KLF8: variants seen among roughly 807,000 people sequenced by gnomAD.
KLF8 encodes Krueppel-like factor 8.
KLF8 carries 10 observed loss-of-function variants against 18.2 expected under a neutral mutation model. That is an observed-to-expected ratio of 0.55 (90% CI 0.34 to 0.93). The LOEUF (loss-of-function observed/expected upper bound fraction) is 0.93, where lower values mean the gene tolerates loss of function less well. KLF8 is among the 40% of genes least tolerant of loss of function. The probability of loss-of-function intolerance (pLI) is 0.02; values close to 1 mark genes in which losing one functional copy is unlikely to be tolerated. For missense variants in KLF8, 264 were observed against 277.9 expected (o/e 0.95, Z 0.36); for synonymous variants, 109 against 97.3 (o/e 1.12, Z -0.71).
chrX:56,284,764 C>G lies in KLF8; in HGVS notation c.*270C>G, dbSNP rs761673816. ...CACCCATGGCTGCCTTCCCATCCCC[C>G]CCTGCTCTGAAATAGGACATTTTTC... On this transcript the variant is annotated 3_prime_UTR_variant, in exon 6 of 6. Transcript: ENST00000468660. 1 of 266,767 alleles carries G rather than the reference C, an allele frequency of 3.7e-6. No homozygotes were observed. The highest frequency in any genetic ancestry group is 5.5e-5 in the East Asian group (1 of 18,153). The allele number at this position is 266,767 out of a possible 1,213,427, so 22.0% of individuals were successfully genotyped here.
the KLF8 span, among the ~76,000 whole-genome samples, chrX:56,083,176 C>G: frequency 2.7e-5 from 3 of 111,629 alleles, no homozygotes; most frequent in Non-Finnish European, 5.6e-5. Context: ...TGATGGTGTC[C>G]CCTAAGTCCC....
At chrX:56,164,729 C>CTTTTTTTTTTTTTTTTTATTTTT in the KLF8 span, among the ~76,000 whole-genome samples, 1 of 51,918 alleles carries the variant, frequency 1.9e-5, no homozygotes, top group Non-Finnish European at 3.3e-5. Flanking sequence ...CTTGTTATCT[C>CTTTTTTTTTTTTTTTTTATTTTT]TTTTTTTTTT....
chrX:56,191,705 G>A, the KLF8 span, among the ~76,000 whole-genome samples: 1 of 111,305 alleles, frequency 9.0e-6, no homozygotes, highest in South Asian at 3.8e-4. Flanking sequence ...AAAATTATTC[G>A]TTCTTGTATT....
chrX:56,141,262 C>G, the KLF8 span, among the ~76,000 whole-genome samples: 1 of 112,054 alleles, frequency 8.9e-6, no homozygotes, highest in Non-Finnish European at 1.9e-5. Flanking sequence ...CCACCATACC[C>G]GGCCAGCATT....
the KLF8 span, among the ~76,000 whole-genome samples, chrX:56,104,075 G>A: frequency 1.8e-5 from 2 of 111,991 alleles, no homozygotes; most frequent in East Asian, 5.6e-4. Context: ...CTTGATCATA[G>A]TGGATAAGCT....
chrX:56,103,476 G>T, the KLF8 span, among the ~76,000 whole-genome samples: 1 of 111,291 alleles, frequency 9.0e-6, no homozygotes, highest in Non-Finnish European at 1.9e-5. Flanking sequence ...TGAAGCAATT[G>T]TGAATGGGAG....
In KLF8 at chrX:56,270,301, C is replaced by T. The variant is rs749213915; in HGVS notation, c.878C>T (p.Ala293Val). 8.3e-7 allele frequency: 1 copy of T among 1,199,780 alleles called. No individual in the cohort carries two copies. The highest frequency in any genetic ancestry group is 1.1e-6 in the Non-Finnish European group (1 of 891,218). The change falls in exon 5 of 6, where the codon GCT (alanine) becomes GTT (valine). Residue 293 changes from alanine to valine, a missense_variant. Coordinates refer to ENST00000468660, the MANE Select transcript of KLF8 (RefSeq NM_007250.5). ...KVYTKSSHLK[A>V]HRRIHTGEKP... The stretch of plus-strand genomic sequence containing the variant: ...TACACCAAAAGCTCTCACCTGAAAG[C>T]TCACCGCAGAATCCATACAGGTCTG...
chrX:55,981,844 A>G, the KLF8 span, among the ~76,000 whole-genome samples: 1 of 111,735 alleles, frequency 8.9e-6, no homozygotes, highest in African/African-American at 3.3e-5. Flanking sequence ...GCAGAACAAT[A>G]CTGTACCCTG....
At chrX:56,282,438 A>G (rs1487145815) in intron 5 of KLF8, among the ~76,000 whole-genome samples, 4 of 112,439 alleles carry the variant, frequency 3.6e-5, no homozygotes, top group Non-Finnish European at 7.5e-5. Context: ...ATGATCAGTA[A>G]TTGATGTCTT....
At chrX:56,168,549 G>A in the KLF8 span, among the ~76,000 whole-genome samples, 4 of 111,650 alleles carry the variant, frequency 3.6e-5, no homozygotes, top group African/African-American at 1.3e-4. Context: ...TGCACAACGT[G>A]CAGGTTTGTT....
the KLF8 span, among the ~76,000 whole-genome samples, chrX:56,125,770 G>T: frequency 8.9e-6 from 1 of 111,785 alleles, no homozygotes; most frequent in East Asian, 2.8e-4. Context: ...AACGGGTTTA[G>T]GGTGTGATAT....
At chrX:56,056,849 A>C in the KLF8 span, among the ~76,000 whole-genome samples, 19 of 108,967 alleles carry the variant, frequency 1.7e-4, no homozygotes, top group Non-Finnish European at 3.6e-4. Flanking sequence ...AAAAAAAAAA[A>C]AAAAGAAATG....
the KLF8 span, among the ~76,000 whole-genome samples, chrX:56,178,013 G>T: frequency 8.9e-6 from 1 of 111,744 alleles, no homozygotes; most frequent in Non-Finnish European, 1.9e-5. Context: ...CCTTTCTTTG[G>T]CTGGGAAAGG....
chrX:56,120,478 T>C, the KLF8 span, among the ~76,000 whole-genome samples: 1 of 112,027 alleles, frequency 8.9e-6, no homozygotes, highest in Non-Finnish European at 1.9e-5. Context: ...TTGTCTGTGC[T>C]CTTGGTTCCT....
chrX:55,950,714 C>A, the KLF8 span, among the ~76,000 whole-genome samples: 24 of 111,722 alleles, frequency 2.1e-4, no homozygotes, highest in Non-Finnish European at 3.8e-5. Context: ...CCTGGTGATA[C>A]TTTGAACCTC....
the KLF8 span, among the ~76,000 whole-genome samples, chrX:56,107,000 T>C: frequency 1.8e-5 from 2 of 112,164 alleles, no homozygotes; most frequent in African/African-American, 6.5e-5. Context: ...TGGAGTTTGC[T>C]GGAGGATGAC....
In KLF8 at chrX:56,233,231, G is replaced by A; in HGVS notation, c.-104G>A. ...CGTCGCCCTGCGCTATGTCAGAATG[G>A]GGCGGGTGTGAGGGGAACAGCTCTC... On this transcript the variant is annotated 5_prime_UTR_variant, in exon 1 of 6. It introduces an in-frame stop codon into an upstream open reading frame of the 5' UTR. Coordinates refer to ENST00000468660, the MANE Select transcript of KLF8 (RefSeq NM_007250.5). The A allele has an allele frequency of 3.1e-6, 3 of 982,491 alleles. No homozygotes were observed. The highest frequency in any genetic ancestry group is 4.3e-6 in the Non-Finnish European group (3 of 692,343). The allele number at this position is 982,491 out of a possible 1,213,427, so 81.0% of individuals were successfully genotyped here. A position where few individuals can be genotyped will look rare whatever the true frequency, so the allele number is the denominator to read the frequency against.
chrX:56,186,269 G>T, the KLF8 span, among the ~76,000 whole-genome samples: 4 of 111,176 alleles, frequency 3.6e-5, no homozygotes, highest in Admixed American at 9.6e-5. Context: ...AAGATCAAAA[G>T]AGACAAAGAA....
chrX:56,024,184 A>G, the KLF8 span, among the ~76,000 whole-genome samples: 1 of 107,878 alleles, frequency 9.3e-6, no homozygotes, highest in Non-Finnish European at 1.9e-5. Context: ...TATCAATCTG[A>G]TGGTGAACAA....
Sources: gnomAD v4.1 joint callset for allele counts (sites outside exome capture counted in the v4.1 genomes callset) on GRCh38, gnomAD v4.1.1 for gene constraint, MANE v1.5 for transcripts, NCBI Gene and HGNC (gene_info 2026-07-23, HGNC 2026-07-21) for gene names.